Variants in WDR70 observed in about 807,000 individuals in gnomAD.
WDR70 encodes WD repeat domain 70, also known as WD repeat-containing protein 70.
Under a neutral mutation model 88.6 loss-of-function variants are expected in WDR70, and 53 were observed. The observed-to-expected ratio is 0.60, with a 90% CI of 0.48 to 0.75. WDR70 has a LOEUF of 0.75. Among genes scored for constraint, WDR70 ranks in the 30% least tolerant of loss-of-function variants. WDR70 has a pLI of 0.00. For missense variants in WDR70, 610 were observed against 823.2 expected (o/e 0.74, Z 3.17); for synonymous variants, 280 against 270.0 (o/e 1.04, Z -0.36).
At chr5:37,483,706 C>T (rs553830868) in intron 8 of WDR70, among the ~76,000 whole-genome samples, 5 of 149,356 alleles carry the variant, frequency 3.3e-5, no homozygotes, top group East Asian at 2.0e-4. Flanking sequence ...ACCTCCCAGA[C>T]GGGGCGGTGG....
intron 5 of WDR70, among the ~76,000 whole-genome samples, chr5:37,415,754 C>T (rs1322812832): frequency 4.0e-5 from 6 of 149,708 alleles, no homozygotes; most frequent in East Asian, 2.1e-4. Context: ...ACTTCTCAGA[C>T]GGGGCGGCTG....
At chr5:37,399,195 G>A (rs977232861) in intron 5 of WDR70, among the ~76,000 whole-genome samples, 1 of 152,124 alleles carries the variant, frequency 6.6e-6, no homozygotes, top group Admixed American at 6.5e-5. Context: ...GGAGAATGGC[G>A]TGAACCTGGG....
intron 13 of WDR70, 28 bp from the exon 14 acceptor site, chr5:37,721,087 A>G: frequency 6.2e-7 from 1 of 1,604,736 alleles, no homozygotes; most frequent in African/African-American, 1.3e-5. Context: ...TGGCCTCTTT[A>G]GTCAACCACT....
At chr5:37,387,971 A>G (rs1274014890) in intron 3 of WDR70, among the ~76,000 whole-genome samples, 1 of 152,004 alleles carries the variant, frequency 6.6e-6, no homozygotes, top group East Asian at 1.9e-4. Context: ...CTTGGTTGCT[A>G]AGTGCACTAG....
At chr5:37,752,362 T>C (rs1748838836) in intron 17 of WDR70, 124 bp from the exon 18 acceptor site, 6 of 635,944 alleles carry the variant, frequency 9.4e-6, no homozygotes, top group Non-Finnish European at 1.6e-5. Flanking sequence ...TAATGATTTA[T>C]ATTTAATAAT....
intron 7 of WDR70, among the ~76,000 whole-genome samples, chr5:37,449,610 AT>A (rs755879695): frequency 0.11 from 6,095 of 55,494 alleles, 226 homozygotes; most frequent in African/African-American, 0.14. Flanking sequence ...AAAATAAAAA[AT>A]AAAAAATAAA....
chr5:37,594,399 G>T (rs1317383453), intron 9 of WDR70, among the ~76,000 whole-genome samples: 1 of 152,152 alleles, frequency 6.6e-6, no homozygotes, highest in African/African-American at 2.4e-5. Context: ...ATTAAAAAGG[G>T]AATCCTTTCC....
In WDR70 at chr5:37,626,030, C is replaced by T. The variant is rs142864132; in HGVS notation, c.1092+20792C>T. Among the ~76,000 whole-genome samples the T allele has an allele frequency of 1.1e-4, 15 of 141,758 alleles. No homozygotes were observed. In the East Asian group the frequency reaches 2.0e-3, roughly 19 times the overall value. The allele number at this position is 141,758 out of a possible 152,430, so 93.0% of individuals were successfully genotyped here. ...TTTTTTTTTTTTTTTGTAGTAAAGT[C>T]GGTATGTTTTTCCATATATAAGATC... On this transcript the variant is annotated intron_variant, in intron 10 of 17. Coordinates refer to ENST00000265107, the MANE Select transcript of WDR70 (RefSeq NM_018034.4).
Position 37,719,760 on chromosome 5 carries a change from C to T in WDR70, c.1417-1355C>T, listed in dbSNP as rs548612602. ...CAGGTAAGGGTTTGCAGCCATTTAC[C>T]TATTTTTTTTTGGCCTATTTTTTTG... On this transcript the variant is annotated intron_variant, in intron 13 of 17. Transcript: ENST00000265107. Among the ~76,000 whole-genome samples, 3 of 150,162 alleles carry T rather than the reference C, an allele frequency of 2.0e-5. No homozygotes were observed. In the South Asian group the frequency reaches 6.3e-4, roughly 31 times the overall value.
At chr5:37,556,914 G>A (rs1476912489) in intron 9 of WDR70, among the ~76,000 whole-genome samples, 2 of 152,182 alleles carry the variant, frequency 1.3e-5, no homozygotes, top group African/African-American at 4.8e-5. Flanking sequence ...ACTAGGTTGA[G>A]CCTCTTGTGG....
intron 5 of WDR70, among the ~76,000 whole-genome samples, chr5:37,422,851 T>C (rs1304912023): frequency 6.6e-6 from 1 of 151,892 alleles, no homozygotes; most frequent in Non-Finnish European, 1.5e-5. Flanking sequence ...GGTCTCGAAC[T>C]CCTGAGCTCA....
At chr5:37,593,098 G>T (rs1743585244) in intron 9 of WDR70, among the ~76,000 whole-genome samples, 1 of 152,182 alleles carries the variant, frequency 6.6e-6, no homozygotes, top group Admixed American at 6.5e-5. Flanking sequence ...AAGTTATGGT[G>T]AGCTGTGATC....
chr5:37,547,795 C>T (rs1742038291), intron 9 of WDR70, among the ~76,000 whole-genome samples: 1 of 152,136 alleles, frequency 6.6e-6, no homozygotes, highest in Admixed American at 6.5e-5. Flanking sequence ...CCCTAATCCC[C>T]CAACTACTCT....
intron 10 of WDR70, among the ~76,000 whole-genome samples, chr5:37,684,487 G>A (rs1167005903): frequency 6.6e-6 from 1 of 152,110 alleles, no homozygotes; most frequent in African/African-American, 2.4e-5. Flanking sequence ...TATCCTATTT[G>A]ATGACTTGAG....
intron 10 of WDR70, among the ~76,000 whole-genome samples, chr5:37,621,928 G>A (rs945865721): frequency 2.0e-4 from 30 of 152,142 alleles, no homozygotes; most frequent in Non-Finnish European, 2.9e-4. Context: ...AAGGGATCCA[G>A]TTTCAGCTTT....
intron 8 of WDR70, among the ~76,000 whole-genome samples, chr5:37,502,504 T>TG (rs1740433393): frequency 6.6e-6 from 1 of 152,330 alleles, no homozygotes; most frequent in African/African-American, 2.4e-5. Flanking sequence ...AGGGATGCTG[T>TG]GGGGCATTTT....
chr5:37,670,463 T>C (rs1053668746), intron 10 of WDR70, among the ~76,000 whole-genome samples: 4 of 152,166 alleles, frequency 2.6e-5, no homozygotes, highest in African/African-American at 9.7e-5. Flanking sequence ...GAGAAACAGA[T>C]GCCACATCTT....
chr5:37,620,413 A>T (rs1053280374), intron 10 of WDR70, among the ~76,000 whole-genome samples: 1 of 152,182 alleles, frequency 6.6e-6, no homozygotes, highest in Non-Finnish European at 1.5e-5. Context: ...TTTTATTCTG[A>T]AAAACAGTTT....
intron 10 of WDR70, among the ~76,000 whole-genome samples, chr5:37,676,810 T>G (rs1271538414): frequency 6.6e-6 from 1 of 152,216 alleles, no homozygotes; most frequent in Admixed American, 6.5e-5. Context: ...GAAGGAATGG[T>G]ACCCGTTCCT....
Sources: gnomAD v4.1 joint callset for allele counts (sites outside exome capture counted in the v4.1 genomes callset) on GRCh38, gnomAD v4.1.1 for gene constraint, MANE v1.5 for transcripts, NCBI Gene and HGNC (gene_info 2026-07-23, HGNC 2026-07-21) for gene names.